The following CDH8 variants were observed in gnomAD, a reference collection of about 807,000 sequenced individuals.
The protein encoded by CDH8 is cadherin 8, also known as cadherin-8.
CDH8 carries 17 observed loss-of-function variants against 68.1 expected under a neutral mutation model. The observed-to-expected ratio is 0.25, with a 90% CI of 0.17 to 0.37. The LOEUF is 0.37. Ranked by LOEUF, CDH8 falls within the 10% of genes least tolerant of loss-of-function variation. The probability of loss-of-function intolerance (pLI) is 1.00; values close to 1 mark genes in which losing one functional copy is unlikely to be tolerated. For synonymous variants in CDH8, 372 were observed against 365.1 expected, an observed-to-expected ratio of 1.02 and a Z score of -0.21; for missense variants, 763 against 999.3, an observed-to-expected ratio of 0.76 and a Z score of 3.19.
At chr16:61,784,081 T>C (rs1961164375) in intron 8 of CDH8, among the ~76,000 whole-genome samples, 1 of 150,912 alleles carries the variant, frequency 6.6e-6, no homozygotes, top group South Asian at 2.1e-4. Context: ...AATTCACACA[T>C]AACAATATTA....
chr16:61,901,906 T>C (rs756740160), intron 2 of CDH8, among the ~76,000 whole-genome samples: 1 of 152,180 alleles, frequency 6.6e-6, no homozygotes, highest in African/African-American at 2.4e-5. Flanking sequence ...GTTAAGAATA[T>C]TTCATATGAC....
intron 2 of CDH8, among the ~76,000 whole-genome samples, chr16:62,017,610 G>A (rs1205975299): frequency 6.6e-6 from 1 of 152,176 alleles, no homozygotes; most frequent in Non-Finnish European, 1.5e-5. Context: ...GGGAGATCGA[G>A]GCTTCAGTGA....
At chr16:61,841,031 T>G (rs967471059) in intron 4 of CDH8, among the ~76,000 whole-genome samples, 4 of 152,176 alleles carry the variant, frequency 2.6e-5, no homozygotes, top group African/African-American at 9.6e-5. Flanking sequence ...GTCCATCAGT[T>G]ACAGGGGAAA....
chr16:61,708,309 A>G (rs961496362), intron 10 of CDH8, among the ~76,000 whole-genome samples: 9 of 152,176 alleles, frequency 5.9e-5, no homozygotes, highest in African/African-American at 1.9e-4. Context: ...AATCTATGCT[A>G]TGTATCTGAA....
intron 8 of CDH8, among the ~76,000 whole-genome samples, chr16:61,782,537 T>G (rs1483697178): frequency 6.6e-6 from 1 of 152,060 alleles, no homozygotes; most frequent in Non-Finnish European, 1.5e-5. Flanking sequence ...TGCCCAGGCT[T>G]GCTTAGGTAA....
chr16:61,887,741 G>A (rs939412818), intron 3 of CDH8, among the ~76,000 whole-genome samples: 10 of 152,022 alleles, frequency 6.6e-5, no homozygotes, highest in African/African-American at 2.4e-4. Flanking sequence ...ACACAATTCT[G>A]ATCCCATCAC....
chr16:61,790,091 ATAGT>A (rs1026794027), intron 7 of CDH8, among the ~76,000 whole-genome samples: 2 of 152,000 alleles, frequency 1.3e-5, no homozygotes, highest in South Asian at 2.1e-4. Context: ...TTTTTATTCT[ATAGT>A]TAATGTTTTT....
intron 1 of CDH8, among the ~76,000 whole-genome samples, chr16:62,027,429 A>T (rs1002520409): frequency 6.6e-6 from 1 of 152,218 alleles, no homozygotes; most frequent in African/African-American, 2.4e-5. Context: ...TGACGTCTAA[A>T]ACAAAAACAG....
At chr16:61,689,487 C>T (rs1383350257) in intron 10 of CDH8, among the ~76,000 whole-genome samples, 1 of 151,990 alleles carries the variant, frequency 6.6e-6, no homozygotes, top group Admixed American at 6.6e-5. Context: ...ACTGTGAATA[C>T]TACTTCTGCC....
At chr16:61,720,487 C>T (rs777852201) in intron 9 of CDH8, among the ~76,000 whole-genome samples, 2 of 151,038 alleles carry the variant, frequency 1.3e-5, no homozygotes, top group African/African-American at 2.4e-5. Context: ...ATCTTTTACA[C>T]CATTTTCTCT....
Position 61,927,381 on chromosome 16 carries a change from C to A in CDH8, c.253-25908G>T, listed in dbSNP as rs1454458599. On this transcript the variant is annotated intron_variant, in intron 2 of 11. Coordinates refer to ENST00000577390, the MANE Select transcript of CDH8 (RefSeq NM_001796.5). ...TATTTCTCCTTCCTTAGGTCTTACA[C>A]TAAACACACACACACTGTACATATT... Among the ~76,000 whole-genome samples the A allele has an allele frequency of 5.3e-5, 8 of 152,026 alleles. No individual in the cohort carries two copies. In the East Asian group the frequency reaches 1.4e-3, roughly 26 times the overall value.
chr16:61,703,483 T>C (rs1056472894), intron 10 of CDH8, among the ~76,000 whole-genome samples: 4 of 152,214 alleles, frequency 2.6e-5, no homozygotes, highest in Non-Finnish European at 5.9e-5. Flanking sequence ...TCACAATATA[T>C]GTTTCAAAAC....
chr16:61,789,506 T>A, intron 7 of CDH8, 24 bp from the exon 8 acceptor site: 1 of 1,608,968 alleles, frequency 6.2e-7, no homozygotes, highest in South Asian at 1.1e-5. Flanking sequence ...ACATCTGTAA[T>A]CTACTTCAAT....
chr16:61,983,578 C>A (rs1398515744), intron 2 of CDH8, among the ~76,000 whole-genome samples: 1 of 152,178 alleles, frequency 6.6e-6, no homozygotes, highest in Non-Finnish European at 1.5e-5. Context: ...TATAAGAATT[C>A]ACTTTATACG....
At chr16:61,947,053 T>C (rs1487828045) in intron 2 of CDH8, among the ~76,000 whole-genome samples, 1 of 152,180 alleles carries the variant, frequency 6.6e-6, no homozygotes, top group Non-Finnish European at 1.5e-5. Context: ...GATGTCAGTA[T>C]AAGGAGTTTG....
At chr16:61,847,207 G>A (rs933047027) in intron 4 of CDH8, among the ~76,000 whole-genome samples, 1 of 151,940 alleles carries the variant, frequency 6.6e-6, no homozygotes. Flanking sequence ...CAACTATCAT[G>A]AGATGGGCCT....
At chr16:61,968,972 G>A (rs1391786024) in intron 2 of CDH8, among the ~76,000 whole-genome samples, 1 of 152,158 alleles carries the variant, frequency 6.6e-6, no homozygotes, top group South Asian at 2.1e-4. Flanking sequence ...TTTTTTCTTG[G>A]CAAAAGACCA....
chr16:62,030,193 A>T (rs1383803086), intron 1 of CDH8, among the ~76,000 whole-genome samples: 1 of 152,210 alleles, frequency 6.6e-6, no homozygotes, highest in Admixed American at 6.5e-5. Context: ...GCAAGCAATT[A>T]TTTGACAAAA....
In CDH8 at chr16:61,960,132, T is replaced by TACAC. The variant is rs1965090811; in HGVS notation, c.253-58663_253-58660dup. Among the ~76,000 whole-genome samples, 4 of 112,188 alleles carry TACAC rather than the reference T, an allele frequency of 3.6e-5. 2 individuals are homozygous for TACAC. The highest frequency in any genetic ancestry group is 7.1e-5 in the Non-Finnish European group (4 of 56,458). The allele number at this position is 112,188 out of a possible 152,430, so 73.6% of individuals were successfully genotyped here. On this transcript the variant is annotated intron_variant, in intron 2 of 11. Coordinates refer to ENST00000577390, the MANE Select transcript of CDH8 (RefSeq NM_001796.5). ...ACATATATACATATGTGTGTGTGTA[T>TACAC]ACACATACATATATACATATGTGTG...
Sources: gnomAD v4.1 joint callset for allele counts (sites outside exome capture counted in the v4.1 genomes callset) on GRCh38, gnomAD v4.1.1 for gene constraint, MANE v1.5 for transcripts, NCBI Gene and HGNC (gene_info 2026-07-23, HGNC 2026-07-21) for gene names.